Variants in NXNL2 observed in about 807,000 individuals in gnomAD.
The protein encoded by NXNL2 is nucleoredoxin like 2, also known as nucleoredoxin-like protein 2.
A neutral mutation model predicts 11.1 loss-of-function variants in NXNL2; 7 were observed. The ratio of observed to expected loss-of-function variants is 0.63; its 90% CI spans 0.36 to 1.18. The LOEUF (loss-of-function observed/expected upper bound fraction) is 1.18. NXNL2 is among the 50% of genes most tolerant of loss of function. NXNL2 has a pLI of 0.02. For synonymous variants in NXNL2, 109 were observed against 101.8 expected (o/e 1.07, Z -0.42); for missense variants, 233 against 217.7 (o/e 1.07, Z -0.44).
chr9:88,571,321 C>T (rs907035479), intron 2 of NXNL2: 7 of 223,144 alleles, frequency 3.1e-5, no homozygotes, highest in East Asian at 1.7e-4. Context: ...CCACTTGCCT[C>T]GACCTTCCAA....
chr9:88,554,816 A>T (rs896181736), intron 1 of NXNL2, among the ~76,000 whole-genome samples: 1 of 152,158 alleles, frequency 6.6e-6, no homozygotes, highest in African/African-American at 2.4e-5. Context: ...AAGAAAATAA[A>T]ATTTCAGGGC....
At chr9:88,547,038 A>T (rs1367027162), downstream of NXNL2, among the ~76,000 whole-genome samples, 3 of 152,188 alleles carry the variant, frequency 2.0e-5, no homozygotes, top group East Asian at 5.8e-4. Context: ...AAGCAGTGGC[A>T]GTGTGATGTG....
At chr9:88,563,830 C>G (rs1202207212) in intron 1 of NXNL2, among the ~76,000 whole-genome samples, 1 of 152,170 alleles carries the variant, frequency 6.6e-6, no homozygotes, top group Non-Finnish European at 1.5e-5. Flanking sequence ...GTTCACACCT[C>G]TGCCTAAATA....
intron 2 of NXNL2, chr9:88,574,955 C>A (rs902133100): frequency 2.5e-5 from 4 of 161,064 alleles, no homozygotes; most frequent in Non-Finnish European, 5.2e-5. Flanking sequence ...AAAGGGCACA[C>A]GTTGCATAAC....
At chr9:88,547,565 C>G (rs985392507), downstream of NXNL2, among the ~76,000 whole-genome samples, 1 of 152,196 alleles carries the variant, frequency 6.6e-6, no homozygotes, top group Admixed American at 6.5e-5. Flanking sequence ...TTACAAACAC[C>G]ATGGAGGTAC....
At chr9:88,564,314 T>TATC (rs1830136546) in intron 1 of NXNL2, among the ~76,000 whole-genome samples, 2 of 149,802 alleles carry the variant, frequency 1.3e-5, no homozygotes, top group African/African-American at 5.1e-5. Flanking sequence ...TCTATCTATC[T>TATC]ATCTATCTAT....
chr9:88,535,825 T>A, intron 1 of NXNL2, 89 bp downstream of exon 1: 1 of 1,042,064 alleles, frequency 9.6e-7, no homozygotes, highest in Non-Finnish European at 1.3e-6. Context: ...GGGAGCTCTT[T>A]ATGACGCCCC....
rs1249307878 is a variant in NXNL2, at chr9:88,540,757, G to A, written c.303-3622G>A. 2.7e-5 allele frequency among the ~76,000 whole-genome samples: 3 copies of A among 112,282 alleles called. No homozygotes were observed. In the South Asian group the frequency reaches 1.5e-3, roughly 56 times the overall value. 73.7% of individuals were successfully genotyped at this position (112,282 alleles called of 152,430 possible). On this transcript the variant is annotated intron_variant, in intron 1 of 1. Coordinates refer to ENST00000375854, the MANE Select transcript of NXNL2 (RefSeq NM_001161625.2). Reference sequence around the variant, plus strand: ...GCCGGGGTGGGGGCTGTGTCCATTGGTTCTTTGGGGAATAGGCCTGTCCTG... The same window carrying A: ...GCCGGGGTGGGGGCTGTGTCCATTGATTCTTTGGGGAATAGGCCTGTCCTG...
At chr9:88,553,023 C>G (rs1003649974) in intron 1 of NXNL2, among the ~76,000 whole-genome samples, 1 of 152,188 alleles carries the variant, frequency 6.6e-6, no homozygotes, top group African/African-American at 2.4e-5. Flanking sequence ...GATATCCTTC[C>G]ACTCCACATG....
chr9:88,561,352 G>GAATCTTGTGATTGTGT (rs369410857), intron 1 of NXNL2, among the ~76,000 whole-genome samples: 1 of 152,074 alleles, frequency 6.6e-6, no homozygotes, highest in Non-Finnish European at 1.5e-5. Flanking sequence ...GCCTATTGTG[G>GAATCTTGTGATTGTGT]AATCTTGTGA....
chr9:88,577,919 G>C (rs1830365773), downstream of NXNL2, among the ~76,000 whole-genome samples: 1 of 152,210 alleles, frequency 6.6e-6, no homozygotes, highest in Admixed American at 6.5e-5. Context: ...CTGGCAGCAA[G>C]AGCAGTGTCC....
At chr9:88,539,528 C>G (rs1056882582) in intron 1 of NXNL2, among the ~76,000 whole-genome samples, 2 of 149,022 alleles carry the variant, frequency 1.3e-5, no homozygotes, top group Non-Finnish European at 3.0e-5. Flanking sequence ...GTGACGTGTG[C>G]GAGCCCTGCC....
chr9:88,575,187 C>A, exon 3 of NXNL2: 1 of 983,538 alleles, frequency 1.0e-6, no homozygotes, highest in Non-Finnish European at 1.2e-6. Context: ...CTGCATTCTG[C>A]GAGTCTGTGC....
chr9:88,561,652 TA>T (rs71507765), intron 1 of NXNL2, among the ~76,000 whole-genome samples: 1 of 151,948 alleles, frequency 6.6e-6, no homozygotes, highest in Non-Finnish European at 1.5e-5. Context: ...CAAAGGGGCA[TA>T]AATAAGCAAG....
intron 1 of NXNL2, among the ~76,000 whole-genome samples, chr9:88,582,393 C>G (rs1011168797): frequency 6.6e-6 from 1 of 151,934 alleles, no homozygotes; most frequent in Non-Finnish European, 1.5e-5. Context: ...GGTGTGAACC[C>G]GGGAGGCGGA....
downstream of NXNL2, among the ~76,000 whole-genome samples, chr9:88,577,702 C>T (rs574335395): frequency 1.5e-3 from 230 of 152,192 alleles, 1 homozygote; most frequent in Admixed American, 5.8e-3. Context: ...AAGGATGCAT[C>T]GTCATATTGA....
intron 1 of NXNL2, among the ~76,000 whole-genome samples, chr9:88,554,784 G>A (rs1829988592): frequency 6.6e-6 from 1 of 152,022 alleles, no homozygotes; most frequent in Non-Finnish European, 1.5e-5. Flanking sequence ...CTCTTTTTCC[G>A]ACCTCTCTCT....
chr9:88,542,104 G>A (rs12340475), intron 1 of NXNL2, among the ~76,000 whole-genome samples: 13,842 of 150,856 alleles, frequency 0.092, 2,094 homozygotes, highest in African/African-American at 0.31. Flanking sequence ...ATGGTGGTGG[G>A]CGCCTGTAGT....
intron 2 of NXNL2, among the ~76,000 whole-genome samples, chr9:88,574,793 C>G (rs4262391): frequency 6.6e-6 from 1 of 151,954 alleles, no homozygotes; most frequent in African/African-American, 2.4e-5. Context: ...TTTCCAGACT[C>G]GAATGGATTT....
Sources: allele counts gnomAD v4.1 joint callset (sites outside exome capture counted in the v4.1 genomes callset), GRCh38; gene constraint gnomAD v4.1.1; transcripts MANE v1.5; gene names NCBI Gene and HGNC (gene_info 2026-07-23, HGNC 2026-07-21).